The following GANAB variants were observed in gnomAD, a reference collection of about 807,000 sequenced individuals.
GANAB encodes the protein glucosidase II alpha subunit.
Under a neutral mutation model 129.9 loss-of-function variants are expected in GANAB, and 35 were observed. That is an observed-to-expected ratio of 0.27 (90% confidence interval 0.21 to 0.36). The LOEUF (loss-of-function observed/expected upper bound fraction) is 0.36. GANAB is among the 10% of genes least tolerant of loss of function. GANAB has a pLI of 1.00. For synonymous variants in GANAB, 482 were observed against 451.8 expected (o/e 1.07, Z -0.85); for missense variants, 939 against 1,221.0 (o/e 0.77, Z 3.44).
intron 17 of GANAB, among the ~76,000 whole-genome samples, 198 bp downstream of exon 17, chr11:62,628,571 G>A (rs1339459127): frequency 5.3e-5 from 8 of 152,044 alleles, no homozygotes; most frequent in Admixed American, 5.2e-4. Flanking sequence ...TTCTGAAAGA[G>A]CTTATGACTG....
At chr11:62,632,859 C>T in intron 8 of GANAB, 114 bp from the exon 9 acceptor site, 1 of 1,056,208 alleles carries the variant, frequency 9.5e-7, no homozygotes, top group Non-Finnish European at 1.4e-6. Context: ...TGTCCTTTCT[C>T]AAAAAATTTT....
At chr11:62,646,157 C>G (rs1944468954) in intron 1 of GANAB, among the ~76,000 whole-genome samples, 1 of 152,122 alleles carries the variant, frequency 6.6e-6, no homozygotes, top group Non-Finnish European at 1.5e-5. Context: ...GCTTCCAGCT[C>G]AGCCGAGGGG....
Position 62,632,700 on chromosome 11 carries a change from A to G in GANAB, c.861T>C (p.Tyr287=). The stretch of plus-strand genomic sequence containing the variant: ...ACAAGGCCATTGGGTTGTACAGCTC[A>G]TACTGGAACACATCCAAATTGTAGA... ...YRLYNLDVFQ[Y]ELYNPMALYG... The change falls in exon 9 of 24, where the codon TAT becomes TAC. Residue 287 remains tyrosine, a synonymous_variant. Coordinates refer to ENST00000356638, the MANE Select transcript of GANAB (RefSeq NM_198334.3). 1 of 1,613,850 alleles carries G rather than the reference A, an allele frequency of 6.2e-7. No homozygotes were observed. The highest frequency in any genetic ancestry group is 8.5e-7 in the Non-Finnish European group (1 of 1,179,778).
At chr11:62,629,532 C>T in intron 15 of GANAB, 56 bp downstream of exon 15, 1 of 1,164,972 alleles carries the variant, frequency 8.6e-7, no homozygotes, top group South Asian at 1.4e-5. Context: ...AGGTCCATGG[C>T]TCCTGAGATC....
intron 1 of GANAB, among the ~76,000 whole-genome samples, chr11:62,643,867 G>A (rs913140041): frequency 6.6e-6 from 1 of 152,228 alleles, no homozygotes; most frequent in African/African-American, 2.4e-5. Flanking sequence ...CTAGGCTAAA[G>A]CCATCTTTCC....
At chr11:62,640,487 C>T (rs1191846996) in intron 1 of GANAB, among the ~76,000 whole-genome samples, 4 of 137,788 alleles carry the variant, frequency 2.9e-5, no homozygotes, top group East Asian at 2.1e-4. Flanking sequence ...GAGTCAAGAT[C>T]GCACCACTGC....
At chr11:62,634,518 G>A (rs1365129855) in intron 5 of GANAB, 10 of 655,444 alleles carry the variant, frequency 1.5e-5, no homozygotes, top group South Asian at 3.6e-5. Flanking sequence ...AAATAAAAAC[G>A]AAGAAAATAA....
At chr11:62,637,391 G>C (rs1375461509) in intron 4 of GANAB, among the ~76,000 whole-genome samples, 2 of 152,120 alleles carry the variant, frequency 1.3e-5, no homozygotes, top group East Asian at 3.9e-4. Flanking sequence ...AGACCATCCT[G>C]GCTTGCCCAG....
At chr11:62,632,530 C>T (rs887819953) in intron 9 of GANAB, 35 bp downstream of exon 9, 2 of 1,561,984 alleles carry the variant, frequency 1.3e-6, no homozygotes, top group Middle Eastern at 1.7e-4. Flanking sequence ...CTGGAAGCTT[C>T]ACTCCCTCCT....
chr11:62,639,490 G>A (rs1263940148), intron 2 of GANAB, 23 bp from the exon 3 acceptor site: 1 of 1,582,198 alleles, frequency 6.3e-7, no homozygotes, highest in Admixed American at 1.7e-5. Flanking sequence ...GGGTTGGGAA[G>A]TAAGGTAAAG....
chr11:62,628,722 C>A (rs893494828), intron 17 of GANAB, 47 bp downstream of exon 17: 2 of 1,597,704 alleles, frequency 1.3e-6, no homozygotes. Flanking sequence ...TCCCTAATAC[C>A]CCCAGCCACC....
chr11:62,640,533 C>CA (rs61299912), intron 1 of GANAB, among the ~76,000 whole-genome samples: 80,609 of 86,606 alleles, frequency 0.93, 37,803 homozygotes, highest in Non-Finnish European at 0.98. Context: ...ACTCCATCTC[C>CA]AAAAAAAAAA....
At chr11:62,643,701 A>G (rs1944360765) in intron 1 of GANAB, among the ~76,000 whole-genome samples, 1 of 152,184 alleles carries the variant, frequency 6.6e-6, no homozygotes, top group South Asian at 2.1e-4. Context: ...CTATAATCCC[A>G]GCTACTGGGG....
Position 62,633,050 on chromosome 11 carries a change from T to A in GANAB, c.770A>T (p.Tyr257Phe), listed in dbSNP as rs768840430. 1 of 1,610,944 alleles carries A rather than the reference T, an allele frequency of 6.2e-7. No individual in the cohort carries two copies. Among genetic ancestry groups the A allele is most frequent in the Non-Finnish European group, 8.5e-7 (1 of 1,177,208 alleles). The change falls in exon 8 of 24, where the codon TAT becomes TTT. Residue 257 changes from tyrosine to phenylalanine, a missense_variant. This residue lies in a region of GANAB where 321 missense variants were observed against 329.1 expected (regional missense o/e 0.98). Coordinates refer to ENST00000356638, the MANE Select transcript of GANAB (RefSeq NM_198334.3). ...GTTGTCTGCATGCTCAGGGATCCCA[T>A]AGACATGCTCCATGCCTGGCAGAGA... ...DFSLPGMEHVYGIPEHADNLR... is the reference protein window; with the variant it reads ...DFSLPGMEHVFGIPEHADNLR...
At chr11:62,631,486 C>CA (rs1359421949) in intron 9 of GANAB, among the ~76,000 whole-genome samples, 1 of 147,842 alleles carries the variant, frequency 6.8e-6, no homozygotes, top group Non-Finnish European at 1.5e-5. Flanking sequence ...TTTTTTTAGA[C>CA]AGAGTCTCAC....
At chr11:62,628,648 A>T in intron 17 of GANAB, 121 bp downstream of exon 17, 1 of 1,033,014 alleles carries the variant, frequency 9.7e-7, no homozygotes, top group Non-Finnish European at 1.5e-6. Context: ...TCTTGACCTT[A>T]ATGATTTTCC....
At chr11:62,627,376 A>C in intron 17 of GANAB, 23 bp from the exon 18 acceptor site, 2 of 1,395,538 alleles carry the variant, frequency 1.4e-6, no homozygotes, top group Non-Finnish European at 2.0e-6. Context: ...AAAGACAATA[A>C]AGGAAAACTT....
At chr11:62,636,049 G>A (rs1008728030) in intron 4 of GANAB, among the ~76,000 whole-genome samples, 5 of 151,944 alleles carry the variant, frequency 3.3e-5, no homozygotes, top group Admixed American at 6.6e-5. Context: ...GGAGTGCAGT[G>A]GCACAATCTC....
Position 62,630,428 on chromosome 11 carries a change from C to G in GANAB, c.1464G>C (p.Leu488=). 1.2e-6 allele frequency: 2 copies of G among 1,614,216 alleles called. No homozygotes were observed. Among genetic ancestry groups the G allele is most frequent in the Admixed American group, 3.3e-5 (2 of 60,032 alleles). ...CAGAGCCATCCCGGGTTTTAACATA[C>G]AGCCCCAGGTTCCGCAGCTCCTCGT... ...RVHEELRNLG[L]YVKTRDGSDY... is the part of the protein sequence containing the mutation. The change falls in exon 12 of 24, where the codon CTG becomes CTC. Residue 488 remains leucine, a synonymous_variant. Transcript: ENST00000356638.
Sources: allele counts gnomAD v4.1 joint callset (sites outside exome capture counted in the v4.1 genomes callset), GRCh38; gene constraint gnomAD v4.1.1; regional missense constraint gnomAD v4.1.1; transcripts MANE v1.5; gene names NCBI Gene and HGNC (gene_info 2026-07-23, HGNC 2026-07-21).